Variants in CPQ observed in about 807,000 individuals in gnomAD.
The protein encoded by CPQ is carboxypeptidase Q.
In CPQ, 37 loss-of-function variants were observed where a neutral mutation model predicts 45.7. That is an observed-to-expected ratio of 0.81 (90% CI 0.62 to 1.07). The LOEUF (loss-of-function observed/expected upper bound fraction) is 1.07. Among genes scored for constraint, CPQ ranks in the 50% least tolerant of loss-of-function variants. The pLI, the probability that CPQ is intolerant of heterozygous loss-of-function variation, is 0.00. For missense variants in CPQ, 537 were observed against 572.9 expected (o/e 0.94, Z 0.64); for synonymous variants, 186 against 205.8 (o/e 0.90, Z 0.82).
At chr8:96,975,260 A>T (rs1183391231) in intron 5 of CPQ, among the ~76,000 whole-genome samples, 1 of 152,124 alleles carries the variant, frequency 6.6e-6, no homozygotes, top group African/African-American at 2.4e-5. Context: ...AGATGGATAT[A>T]TTGAAAGTAT....
In CPQ at chr8:97,143,112, G is replaced by A. The variant is rs149629598; in HGVS notation, c.1348G>A (p.Val450Ile). 1.9e-6 allele frequency: 3 copies of A among 1,613,994 alleles called. No individual in the cohort carries two copies. Among genetic ancestry groups the A allele is most frequent in the East Asian group, 4.5e-5 (2 of 44,876 alleles). Residue 450 changes from valine (V) to isoleucine (I), a missense_variant, in exon 8 of 8, where the codon GTT becomes ATT. By Grantham distance (29) the Val-to-Ile change is conservative (BLOSUM62 3). Transcript: ENST00000220763. ...MTVMDPKQMN[V>I]AAAVWAVVSY... ...TGTCATGGATCCAAAGCAGATGAAT[G>A]TTGCTGCTGCTGTTTGGGCTGTTGT...
chr8:96,724,254 A>G (rs761799995), intron 1 of CPQ, among the ~76,000 whole-genome samples: 1 of 152,082 alleles, frequency 6.6e-6, no homozygotes, highest in Non-Finnish European at 1.5e-5. Flanking sequence ...AGAATCATCC[A>G]TATTGTTGCA....
intron 4 of CPQ, among the ~76,000 whole-genome samples, chr8:96,914,045 T>C (rs1563527666): frequency 6.6e-6 from 1 of 152,182 alleles, no homozygotes; most frequent in Non-Finnish European, 1.5e-5. Context: ...ACAAAACAGA[T>C]TTTGTCATTT....
intron 4 of CPQ, among the ~76,000 whole-genome samples, chr8:96,881,665 C>A (rs1812224759): frequency 6.6e-6 from 1 of 152,172 alleles, no homozygotes; most frequent in African/African-American, 2.4e-5. Context: ...AATTCAGACC[C>A]AGGATCTTGT....
chr8:97,119,744 G>A (rs572658932), intron 7 of CPQ, among the ~76,000 whole-genome samples: 1 of 152,300 alleles, frequency 6.6e-6, no homozygotes, highest in East Asian at 1.9e-4. Context: ...TACTGCACCA[G>A]AATCTAATTT....
intron 7 of CPQ, among the ~76,000 whole-genome samples, chr8:97,114,281 C>A (rs1811546459): frequency 1.3e-5 from 2 of 152,180 alleles, no homozygotes; most frequent in African/African-American, 4.8e-5. Context: ...TGGAAGGTAA[C>A]AGGACTGTGT....
chr8:97,118,307 G>A (rs1191979627), intron 7 of CPQ, among the ~76,000 whole-genome samples: 1 of 152,052 alleles, frequency 6.6e-6, no homozygotes, highest in African/African-American at 2.4e-5. Flanking sequence ...ACCAGATGGT[G>A]ATTCTAGTCC....
intron 7 of CPQ, among the ~76,000 whole-genome samples, chr8:97,124,992 A>G (rs1033098714): frequency 4.6e-5 from 7 of 152,170 alleles, no homozygotes; most frequent in African/African-American, 1.7e-4. Flanking sequence ...ACAAAGCTAT[A>G]AAACTGATAA....
At chr8:96,962,489 CTG>C (rs1426095161) in intron 4 of CPQ, among the ~76,000 whole-genome samples, 1 of 152,170 alleles carries the variant, frequency 6.6e-6, no homozygotes, top group Non-Finnish European at 1.5e-5. Flanking sequence ...AGTGAAGGGA[CTG>C]TGCATTTTCC....
chr8:96,751,723 C>T (rs1387018561), intron 1 of CPQ, among the ~76,000 whole-genome samples: 8 of 152,136 alleles, frequency 5.3e-5, no homozygotes, highest in Non-Finnish European at 5.9e-5. Flanking sequence ...ATGCCTCTGT[C>T]CTGAATGGTA....
chr8:96,645,714 C>G (rs868009237), intron 1 of CPQ, among the ~76,000 whole-genome samples: 3 of 151,950 alleles, frequency 2.0e-5, no homozygotes, highest in Admixed American at 6.5e-5. Context: ...CTTCCCAACA[C>G]GGTTTCACTT....
At chr8:96,761,199 C>T (rs977011402) in intron 1 of CPQ, 6 of 152,174 alleles carry the variant, frequency 3.9e-5, no homozygotes, top group African/African-American at 7.2e-5. Flanking sequence ...TGAGCACAAA[C>T]GGCTGTGCTG....
At chr8:96,880,528 T>G (rs1188197596) in intron 4 of CPQ, among the ~76,000 whole-genome samples, 1 of 4,360 alleles carries the variant, frequency 2.3e-4, no homozygotes, top group African/African-American at 1.5e-3. Context: ...CATATATATA[T>G]ATATATATAT....
rs1358436910 is a variant in CPQ at position 96,834,970 on chromosome 8, T to C, written c.434-3T>C. On this transcript the variant is annotated splice_polypyrimidine_tract_variant and splice_region_variant and intron_variant, in intron 2 of 7. Transcript: ENST00000220763. ...GTTAATCTTGCATGACTTTTATTTC[T>C]AGGCATTACAGCAGAAGTTCTGGTG... The C allele has an allele frequency of 6.2e-7, 1 of 1,611,072 alleles. No individual in the cohort carries two copies. The highest frequency in any genetic ancestry group is 2.2e-5 in the East Asian group (1 of 44,816).
intron 3 of CPQ, among the ~76,000 whole-genome samples, chr8:96,878,372 A>G (rs1247791965): frequency 1.3e-5 from 2 of 152,222 alleles, no homozygotes; most frequent in East Asian, 3.8e-4. Context: ...AGTTAATAAA[A>G]TAAATATTTA....
chr8:96,676,095 A>G (rs1179967145), intron 1 of CPQ, among the ~76,000 whole-genome samples: 14 of 152,036 alleles, frequency 9.2e-5, no homozygotes, highest in Admixed American at 8.5e-4. Flanking sequence ...TAGGATATCT[A>G]TTACCTCAAA....
chr8:96,886,897 C>T (rs975963682), intron 4 of CPQ, among the ~76,000 whole-genome samples: 5 of 152,178 alleles, frequency 3.3e-5, no homozygotes, highest in African/African-American at 7.2e-5. Flanking sequence ...TCATATCTAC[C>T]GTCCTTTGTC....
At chr8:96,735,665 G>A (rs1054927152) in intron 1 of CPQ, among the ~76,000 whole-genome samples, 2 of 151,960 alleles carry the variant, frequency 1.3e-5, no homozygotes, top group African/African-American at 4.8e-5. Flanking sequence ...CCTTCTAGTG[G>A]GTCATAACAT....
At chr8:96,868,039 T>C (rs1434026831) in intron 3 of CPQ, among the ~76,000 whole-genome samples, 1 of 152,046 alleles carries the variant, frequency 6.6e-6, no homozygotes, top group East Asian at 1.9e-4. Flanking sequence ...CAATGAGATG[T>C]GAGTAGAGCA....
Sources: allele counts gnomAD v4.1 joint callset (sites outside exome capture counted in the v4.1 genomes callset), GRCh38; gene constraint gnomAD v4.1.1; transcripts MANE v1.5; gene names NCBI Gene and HGNC (gene_info 2026-07-23, HGNC 2026-07-21).